SLC39A9: variants seen among roughly 807,000 people sequenced by gnomAD.
SLC39A9 encodes zinc transporter ZIP9.
SLC39A9 carries 14 observed loss-of-function variants against 28.4 expected under a neutral mutation model. The ratio of observed to expected loss-of-function variants is 0.49; its 90% CI spans 0.33 to 0.77. The LOEUF (loss-of-function observed/expected upper bound fraction) is 0.77, where lower values mean the gene tolerates loss of function less well. SLC39A9 is among the 30% of genes least tolerant of loss of function. The pLI is 0.02. For missense variants in SLC39A9, 283 were observed against 381.1 expected, an observed-to-expected ratio of 0.74 and a Z score of 2.14; for synonymous variants, 119 against 149.6, an observed-to-expected ratio of 0.80 and a Z score of 1.49.
At chr14:69,399,972 G>A (rs1243605003) in intron 1 of SLC39A9, among the ~76,000 whole-genome samples, 1 of 152,114 alleles carries the variant, frequency 6.6e-6, no homozygotes, top group Non-Finnish European at 1.5e-5. Context: ...GAGGCAGGAG[G>A]ATCGCTTGAC....
intron 1 of SLC39A9, among the ~76,000 whole-genome samples, chr14:69,417,748 G>A (rs1486515155): frequency 2.0e-5 from 3 of 152,140 alleles, no homozygotes; most frequent in Non-Finnish European, 4.4e-5. Flanking sequence ...GTGAATGAGA[G>A]TTCACTCATG....
intron 3 of SLC39A9, among the ~76,000 whole-genome samples, chr14:69,444,479 C>G (rs1686939627): frequency 6.6e-6 from 1 of 152,148 alleles, no homozygotes; most frequent in African/African-American, 2.4e-5. Context: ...TCTTACCTGT[C>G]AGGCAAAAAT....
At chr14:69,410,134 G>T (rs907930092) in intron 1 of SLC39A9, among the ~76,000 whole-genome samples, 2 of 152,054 alleles carry the variant, frequency 1.3e-5, no homozygotes, top group African/African-American at 4.8e-5. Flanking sequence ...TGTTTAGAAA[G>T]GAATTTTATG....
chr14:69,436,034 G>A (rs373898582), intron 2 of SLC39A9, among the ~76,000 whole-genome samples: 3 of 152,012 alleles, frequency 2.0e-5, no homozygotes, highest in East Asian at 1.9e-4. Context: ...ATATTTTTCA[G>A]TTCTAAAATT....
intron 5 of SLC39A9, among the ~76,000 whole-genome samples, chr14:69,455,324 G>GGTTTTTT (rs897356621): frequency 4.6e-5 from 7 of 151,714 alleles, no homozygotes; most frequent in African/African-American, 1.5e-4. Flanking sequence ...TGTGTGTGTG[G>GGTTTTTT]GTTTTTTGTT....
At chr14:69,442,683 A>G (rs1885104898) in intron 3 of SLC39A9, among the ~76,000 whole-genome samples, 1 of 152,238 alleles carries the variant, frequency 6.6e-6, no homozygotes, top group Non-Finnish European at 1.5e-5. Context: ...AATTTGTGAT[A>G]TAGTAATGTA....
chr14:69,430,502 G>A (rs937300794), intron 2 of SLC39A9, among the ~76,000 whole-genome samples: 3 of 151,920 alleles, frequency 2.0e-5, no homozygotes, highest in Admixed American at 6.6e-5. Flanking sequence ...GTCTATTTCT[G>A]GATTCTCTGT....
Position 69,432,179 on chromosome 14 carries a change from A to G in SLC39A9, c.205+7977A>G, listed in dbSNP as rs182220123. On this transcript the variant is annotated intron_variant, in intron 2 of 6. Transcript: ENST00000336643. ...GACTGAACTAATTTACATTCCCATC[A>G]ACAGTGTATAAGTGTTCCCTTTTCT... Among the ~76,000 whole-genome samples the G allele has an allele frequency of 2.2e-4, 34 of 152,302 alleles. No homozygotes were observed. The East Asian group carries it at 5.6e-3, about 25-fold the overall frequency.
upstream of SLC39A9, chr14:69,398,628 G>A (rs947371303): frequency 3.6e-6 from 1 of 278,686 alleles, no homozygotes; most frequent in Non-Finnish European, 7.0e-6. Context: ...CCGGAGGTCG[G>A]TTGTAACCCG....
intron 2 of SLC39A9, among the ~76,000 whole-genome samples, chr14:69,440,734 C>T (rs1885006754): frequency 1.3e-5 from 2 of 152,112 alleles, no homozygotes; most frequent in South Asian, 4.1e-4. Context: ...AAGGCAGTGG[C>T]GTGATCTCGG....
At chr14:69,454,363 G>T (rs766819095) in intron 4 of SLC39A9, among the ~76,000 whole-genome samples, 2 of 152,100 alleles carry the variant, frequency 1.3e-5, no homozygotes, top group East Asian at 1.9e-4. Flanking sequence ...TCCACCTCCC[G>T]GGTTTAAGCA....
intron 3 of SLC39A9, among the ~76,000 whole-genome samples, chr14:69,449,407 T>G (rs1330043389): frequency 1.3e-5 from 2 of 152,126 alleles, no homozygotes; most frequent in East Asian, 3.9e-4. Flanking sequence ...GGAAGATTGC[T>G]TCAGCCCAGG....
chr14:69,447,612 T>G (rs1427256990), intron 3 of SLC39A9, among the ~76,000 whole-genome samples: 1 of 152,138 alleles, frequency 6.6e-6, no homozygotes, highest in Non-Finnish European at 1.5e-5. Flanking sequence ...CAGCTGAAGA[T>G]AATTATGAAC....
chr14:69,437,069 A>G lies in SLC39A9; in HGVS notation c.206-5000A>G, dbSNP rs375843199. Among the ~76,000 whole-genome samples the G allele has an allele frequency of 3.5e-4, 53 of 152,212 alleles. 3 individuals are homozygous for G. The highest frequency in any genetic ancestry group is 2.3e-3 in the South Asian group (11 of 4,826). Reference sequence around the variant, plus strand: ...TTTTTAGTAGAGACGGGGTTTCACCATGTTAGCCAGGATGGTCTTGATCTT... The same window carrying G: ...TTTTTAGTAGAGACGGGGTTTCACCGTGTTAGCCAGGATGGTCTTGATCTT... On this transcript the variant is annotated intron_variant, in intron 2 of 6. Transcript: ENST00000336643.
At chr14:69,402,074 C>T (rs544719692) in intron 1 of SLC39A9, among the ~76,000 whole-genome samples, 4 of 152,228 alleles carry the variant, frequency 2.6e-5, no homozygotes, top group African/African-American at 9.6e-5. Context: ...TTAAGGAAGT[C>T]TGGCTTTCTT....
chr14:69,438,589 C>T (rs1884893451), intron 2 of SLC39A9, among the ~76,000 whole-genome samples: 1 of 151,798 alleles, frequency 6.6e-6, no homozygotes, highest in Non-Finnish European at 1.5e-5. Context: ...TCAGCTTTCA[C>T]GTAAAAAAAA....
rs763943748 is a variant in SLC39A9, at chr14:69,424,090, C to T, written c.97-4C>T. 5.6e-6 allele frequency: 9 copies of T among 1,611,720 alleles called. No homozygotes were observed. Among genetic ancestry groups the T allele is most frequent in the African/African-American group, 1.3e-5 (1 of 74,834 alleles). On this transcript the variant is annotated splice_polypyrimidine_tract_variant and splice_region_variant and intron_variant, in intron 1 of 6. Transcript: ENST00000336643. ...TGCAATTATTTCTTTTGCTTTCTCC[C>T]CAGGAACGACTGAAGCTGGTGACTG...
rs897678243 is a variant in SLC39A9 at position 69,398,993 on chromosome 14, C to T, written c.-377C>T. ...GGAACGAACAGGTTCGCTTGAGTCA[C>T]TTACCCGCCGCCGCCTAAGACATTG... On this transcript the variant is annotated 5_prime_UTR_variant, in exon 1 of 7. Transcript: ENST00000336643. 1 of 201,128 alleles carries T rather than the reference C, an allele frequency of 5.0e-6. No individual in the cohort carries two copies. Among genetic ancestry groups the T allele is most frequent in the Non-Finnish European group, 1.0e-5 (1 of 98,906 alleles). The allele number at this position is 201,128 out of a possible 1,614,324, so 12.5% of individuals were successfully genotyped here.
chr14:69,455,026 T>C, intron 5 of SLC39A9, 129 bp downstream of exon 5: 1 of 675,416 alleles, frequency 1.5e-6, no homozygotes, highest in Non-Finnish European at 2.5e-6. Flanking sequence ...TTTTGGAAAA[T>C]TGAATAAATC....
Sources: allele counts gnomAD v4.1 joint callset (sites outside exome capture counted in the v4.1 genomes callset), GRCh38; gene constraint gnomAD v4.1.1; transcripts MANE v1.5; gene names NCBI Gene and HGNC (gene_info 2026-07-23, HGNC 2026-07-21).